The following ANK2 variants were observed in gnomAD, a reference collection of about 807,000 sequenced individuals.
The protein encoded by ANK2 is ankyrin-2.
A neutral mutation model predicts 360.5 loss-of-function variants in ANK2; 83 were observed. The ratio of observed to expected loss-of-function variants is 0.23; its 90% confidence interval spans 0.19 to 0.28. The LOEUF (loss-of-function observed/expected upper bound fraction) is 0.28. ANK2 is among the 10% of genes least tolerant of loss of function. The pLI, the probability that ANK2 is intolerant of heterozygous loss-of-function variation, is 1.00. For missense variants in ANK2, 4,201 were observed against 4,795.7 expected (o/e 0.88, Z 3.66); for synonymous variants, 1,740 against 1,759.5 (o/e 0.99, Z 0.28).
chr4:113,078,836 G>C (rs1463848381), intron 1 of ANK2, among the ~76,000 whole-genome samples: 3 of 152,136 alleles, frequency 2.0e-5, no homozygotes, highest in Non-Finnish European at 4.4e-5. Flanking sequence ...AGTATTTTAG[G>C]TTTAGCCATT....
chr4:112,712,959 T>C, the ANK2 span, among the ~76,000 whole-genome samples: 2 of 152,136 alleles, frequency 1.3e-5, no homozygotes, highest in Non-Finnish European at 2.9e-5. Flanking sequence ...AGGTAGAGAA[T>C]AGTTCTATCT....
chr4:113,137,527 G>A (rs1343445717), intron 1 of ANK2, among the ~76,000 whole-genome samples: 5 of 152,116 alleles, frequency 3.3e-5, no homozygotes, highest in Non-Finnish European at 5.9e-5. Flanking sequence ...GGTAGAAAAG[G>A]AAAACATTTT....
chr4:113,344,568 G>C (rs1188028608), intron 34 of ANK2, among the ~76,000 whole-genome samples: 4 of 152,200 alleles, frequency 2.6e-5, no homozygotes, highest in Non-Finnish European at 5.9e-5. Flanking sequence ...ATTTAAAGTA[G>C]AGACTCAATT....
chr4:112,980,558 A>C (rs2042846550), intron 2 of ANK2: 1 of 152,262 alleles, frequency 6.6e-6, no homozygotes. Flanking sequence ...AAGGACATTT[A>C]GTTCTGCTTG....
chr4:112,748,310 A>C, the ANK2 span, among the ~76,000 whole-genome samples: 1 of 152,210 alleles, frequency 6.6e-6, no homozygotes, highest in Non-Finnish European at 1.5e-5. Flanking sequence ...TATGGCACAA[A>C]TGAAAAATCA....
intron 1 of ANK2, among the ~76,000 whole-genome samples, chr4:113,092,286 G>T (rs2154354086): frequency 6.6e-6 from 1 of 152,284 alleles, no homozygotes; most frequent in African/African-American, 2.4e-5. Flanking sequence ...ACTAAATATA[G>T]TTCAGGCTTG....
chr4:113,327,827 C>T (rs1013401812), intron 26 of ANK2, among the ~76,000 whole-genome samples: 2 of 152,088 alleles, frequency 1.3e-5, no homozygotes, highest in African/African-American at 4.8e-5. Context: ...GCACTTGACA[C>T]TTAATAGGAG....
At position 112,957,620 on chromosome 4, in the gene ANK2, C is replaced by T. The variant is rs867894780; in HGVS notation, c.21+53106C>T. Among the ~76,000 whole-genome samples the T allele has an allele frequency of 6.9e-3, 934 of 135,066 alleles. 6 individuals are homozygous for T. Among genetic ancestry groups the T allele is most frequent in the African/African-American group, 0.021 (786 of 36,726 alleles). The allele number at this position is 135,066 out of a possible 152,430, so 88.6% of individuals were successfully genotyped here. A position where few individuals can be genotyped will look rare whatever the true frequency, so the allele number is the denominator to read the frequency against. On this transcript the variant is annotated intron_variant, in intron 2 of 30. Coordinates refer to the ANK2 transcript ENST00000503271. Reference sequence around the variant, plus strand: ...GCAGAGGCGCCCCTCACCTCCCGGACGGGGCGGCTGGCCGGGCGGGGGGCT... The same window carrying T: ...GCAGAGGCGCCCCTCACCTCCCGGATGGGGCGGCTGGCCGGGCGGGGGGCT...
At chr4:113,151,161 A>T in intron 1 of ANK2, 3 of 1,274,978 alleles carry the variant, frequency 2.4e-6, no homozygotes, top group Non-Finnish European at 3.1e-6. Context: ...AAAACAGTAA[A>T]GACGTTGGTA....
At chr4:113,260,091 A>C (rs978213970) in intron 13 of ANK2, among the ~76,000 whole-genome samples, 3 of 152,108 alleles carry the variant, frequency 2.0e-5, no homozygotes, top group Admixed American at 6.6e-5. Flanking sequence ...CTTGATTGCA[A>C]TCCCCTGAAT....
the ANK2 span, among the ~76,000 whole-genome samples, chr4:112,732,640 T>TA: frequency 6.6e-6 from 1 of 152,190 alleles, no homozygotes; most frequent in Non-Finnish European, 1.5e-5. Flanking sequence ...GTTCTCTCCT[T>TA]ACAGTGTTTT....
the ANK2 span, among the ~76,000 whole-genome samples, chr4:112,791,868 T>C: frequency 6.6e-6 from 1 of 152,048 alleles, no homozygotes; most frequent in Non-Finnish European, 1.5e-5. Flanking sequence ...TGGATAGAAT[T>C]CCCACATCTT....
chr4:112,788,825 G>A, the ANK2 span: 29 of 1,020,394 alleles, frequency 2.8e-5, no homozygotes, highest in African/African-American at 4.7e-5. Flanking sequence ...GCTTCTTCAC[G>A]ACAGCAGGGG....
At chr4:113,268,931 T>C (rs930921622) in intron 14 of ANK2, among the ~76,000 whole-genome samples, 1 of 152,216 alleles carries the variant, frequency 6.6e-6, no homozygotes, top group African/African-American at 2.4e-5. Flanking sequence ...GAACTTGTTA[T>C]TGGTCTATTC....
Position 113,110,382 on chromosome 4 carries a change from G to T in ANK2, c.84+60570G>T, listed in dbSNP as rs190315523. 1.6e-4 allele frequency among the ~76,000 whole-genome samples: 25 copies of T among 152,206 alleles called. No individual in the cohort carries two copies. The East Asian group carries it at 3.5e-3, about 21-fold the overall frequency. On this transcript the variant is annotated intron_variant, in intron 1 of 45. Transcript: ENST00000357077. The stretch of plus-strand genomic sequence containing the variant: ...TACAATTCAAGATGAGATTTGGGTG[G>T]TCAAACCGTATCTCATGCCTAAAGC...
At chr4:112,875,800 G>A (rs1352690741) in intron 1 of ANK2, among the ~76,000 whole-genome samples, 1 of 151,862 alleles carries the variant, frequency 6.6e-6, no homozygotes. Flanking sequence ...GTGCAGTGGT[G>A]TGCTCATAGC....
chr4:112,738,699 C>T, the ANK2 span: 69 of 602,884 alleles, frequency 1.1e-4, no homozygotes, highest in South Asian at 6.5e-4. Flanking sequence ...CGTTGTGAAG[C>T]CCAAGATCAT....
At chr4:113,098,255 A>G (rs980822712) in intron 1 of ANK2, among the ~76,000 whole-genome samples, 3 of 151,992 alleles carry the variant, frequency 2.0e-5, no homozygotes, top group African/African-American at 7.2e-5. Context: ...AGTAAAATCA[A>G]TGAAACCAAA....
intron 2 of ANK2, among the ~76,000 whole-genome samples, chr4:113,043,442 TA>T (rs141769112): frequency 2.9e-3 from 411 of 143,386 alleles, no homozygotes; most frequent in African/African-American, 3.8e-3. Context: ...CCAGGGGCTT[TA>T]AAAAAAAAAA....
Sources: allele counts gnomAD v4.1 joint callset (sites outside exome capture counted in the v4.1 genomes callset), GRCh38; gene constraint gnomAD v4.1.1; transcripts MANE v1.5; gene names NCBI Gene and HGNC (gene_info 2026-07-23, HGNC 2026-07-21).